Variants in CCDC91 observed in about 807,000 individuals in gnomAD.
CCDC91 encodes the protein coiled-coil domain-containing protein 91.
CCDC91 carries 48 observed loss-of-function variants against 63.2 expected under a neutral mutation model. The observed-to-expected ratio is 0.76, with a 90% CI of 0.60 to 0.97. The LOEUF (loss-of-function observed/expected upper bound fraction) is 0.97. Ranked by LOEUF, CCDC91 falls within the 50% of genes least tolerant of loss-of-function variation. CCDC91 has a pLI of 0.00. For synonymous variants in CCDC91, 167 were observed against 165.8 expected (o/e 1.01, Z -0.06); for missense variants, 500 against 494.6 (o/e 1.01, Z -0.10).
At chr12:28,422,158 A>G (rs1165454215) in intron 8 of CCDC91, among the ~76,000 whole-genome samples, 3 of 152,132 alleles carry the variant, frequency 2.0e-5, no homozygotes, top group African/African-American at 7.2e-5. Context: ...ACGGATATTG[A>G]GGAATTCTGG....
chr12:28,449,014 A>G (rs952562248), intron 8 of CCDC91, among the ~76,000 whole-genome samples: 5 of 152,130 alleles, frequency 3.3e-5, no homozygotes, highest in African/African-American at 1.2e-4. Flanking sequence ...ACATAATTTC[A>G]TATAGTACCC....
intron 12 of CCDC91, among the ~76,000 whole-genome samples, chr12:28,503,455 G>A (rs1938242176): frequency 6.6e-6 from 1 of 152,124 alleles, no homozygotes; most frequent in Non-Finnish European, 1.5e-5. Context: ...GAGAGGATGT[G>A]GAGAAATAGG....
chr12:28,404,252 CTTG>C (rs1279769224), intron 8 of CCDC91, among the ~76,000 whole-genome samples: 13 of 151,624 alleles, frequency 8.6e-5, no homozygotes, highest in African/African-American at 2.9e-4. Context: ...TGAGATTTTT[CTTG>C]TTGTTTAGTA....
At chr12:28,539,209 A>G (rs943784920) in intron 12 of CCDC91, among the ~76,000 whole-genome samples, 9 of 152,124 alleles carry the variant, frequency 5.9e-5, no homozygotes, top group Admixed American at 1.3e-4. Context: ...GGTATTGCCT[A>G]GGTTTTCTTC....
chr12:28,419,976 C>T (rs146993629), intron 8 of CCDC91, among the ~76,000 whole-genome samples: 3 of 152,038 alleles, frequency 2.0e-5, no homozygotes, highest in South Asian at 4.1e-4. Flanking sequence ...AGGCTGATCT[C>T]GAACTCCTAG....
At chr12:28,336,718 T>C (rs1343733633) in intron 6 of CCDC91, among the ~76,000 whole-genome samples, 1 of 152,148 alleles carries the variant, frequency 6.6e-6, no homozygotes, top group Admixed American at 6.5e-5. Flanking sequence ...TAGGAAGGTC[T>C]GACATTGTTC....
intron 12 of CCDC91, among the ~76,000 whole-genome samples, chr12:28,538,916 C>G (rs1337120132): frequency 6.6e-6 from 1 of 152,188 alleles, no homozygotes; most frequent in Non-Finnish European, 1.5e-5. Flanking sequence ...TTTTGAGAAG[C>G]GTCTGTTGAC....
intron 12 of CCDC91, among the ~76,000 whole-genome samples, chr12:28,519,061 G>GT (rs1321638657): frequency 3.3e-5 from 5 of 151,558 alleles, no homozygotes; most frequent in African/African-American, 1.2e-4. Flanking sequence ...TTTGGGGATA[G>GT]TTTTTTTTCT....
chr12:28,548,781 C>T (rs1470790275), intron 12 of CCDC91, among the ~76,000 whole-genome samples: 3 of 152,046 alleles, frequency 2.0e-5, no homozygotes, highest in African/African-American at 7.2e-5. Context: ...CATTTTAATA[C>T]TATTTTATGT....
intron 1 of CCDC91, among the ~76,000 whole-genome samples, chr12:28,241,430 C>A (rs1226045898): frequency 6.6e-6 from 1 of 152,096 alleles, no homozygotes; most frequent in Admixed American, 6.6e-5. Context: ...GCCTTTCCCC[C>A]AAGTGGCAGC....
chr12:28,334,468 C>A (rs144807870), intron 6 of CCDC91, among the ~76,000 whole-genome samples: 4 of 152,066 alleles, frequency 2.6e-5, no homozygotes, highest in African/African-American at 9.7e-5. Flanking sequence ...TATTTCTTCT[C>A]TATCCTTGCC....
At chr12:28,410,050 G>A (rs1947221157) in intron 8 of CCDC91, among the ~76,000 whole-genome samples, 1 of 151,930 alleles carries the variant, frequency 6.6e-6, no homozygotes, top group African/African-American at 2.4e-5. Context: ...CAAATTTTTT[G>A]GTGTCTTGTC....
At chr12:28,240,079 C>G (rs1945237112) in intron 1 of CCDC91, among the ~76,000 whole-genome samples, 1 of 152,094 alleles carries the variant, frequency 6.6e-6, no homozygotes, top group South Asian at 2.1e-4. Context: ...GTATTTCTGT[C>G]AATACTTACT....
intron 7 of CCDC91, among the ~76,000 whole-genome samples, chr12:28,380,307 A>T (rs1315826356): frequency 6.6e-6 from 1 of 152,116 alleles, no homozygotes; most frequent in Admixed American, 6.6e-5. Context: ...CATGTACCCT[A>T]GAACTTAAAG....
At position 28,430,583 on chromosome 12, in the gene CCDC91, A is replaced by T. The variant is rs554748776; in HGVS notation, c.763-19578A>T. ...ATTCCATTAAATTTTTGTATATGAA[A>T]ATGTTAGCATTCACTATTTAAAGGA... is the stretch of plus-strand genomic sequence containing the variant. On this transcript the variant is annotated intron_variant, in intron 8 of 12. Transcript: ENST00000536442. Among the ~76,000 whole-genome samples, 14 of 152,252 alleles carry T rather than the reference A, an allele frequency of 9.2e-5. No homozygotes were observed. In the South Asian group the frequency reaches 1.5e-3, roughly 16 times the overall value.
intron 12 of CCDC91, among the ~76,000 whole-genome samples, chr12:28,542,854 A>G (rs1942726618): frequency 6.6e-6 from 1 of 152,068 alleles, no homozygotes; most frequent in South Asian, 2.1e-4. Flanking sequence ...ACACGTTGTA[A>G]GAAACACTAC....
chr12:28,497,680 T>C (rs11049668), intron 12 of CCDC91, among the ~76,000 whole-genome samples: 31,630 of 151,588 alleles, frequency 0.21, 4,331 homozygotes, highest in Non-Finnish European at 0.31. Flanking sequence ...CTTTTCACTA[T>C]GGTTTTTTAT....
chr12:28,486,621 T>A (rs918350651), intron 12 of CCDC91, among the ~76,000 whole-genome samples: 3 of 152,076 alleles, frequency 2.0e-5, no homozygotes, highest in Admixed American at 6.6e-5. Flanking sequence ...GTGCCTATAA[T>A]AAGAATAAGA....
At chr12:28,464,468 G>A (rs1950456116) in intron 11 of CCDC91, among the ~76,000 whole-genome samples, 2 of 152,154 alleles carry the variant, frequency 1.3e-5, no homozygotes, top group African/African-American at 4.8e-5. Flanking sequence ...GTAACAGTAG[G>A]GAGGACTTTG....
Sources: allele counts gnomAD v4.1 joint callset (sites outside exome capture counted in the v4.1 genomes callset), GRCh38; gene constraint gnomAD v4.1.1; transcripts MANE v1.5; gene names NCBI Gene and HGNC (gene_info 2026-07-23, HGNC 2026-07-21).